Variants in CIMIP5 observed in about 807,000 individuals in gnomAD.
The protein encoded by CIMIP5 is ciliary microtubule inner protein 5, also known as uncharacterized protein C2orf50.
the CIMIP5 span, among the ~76,000 whole-genome samples, chr2:11,153,939 GCTCTT>G: frequency 2.1e-5 from 3 of 140,208 alleles, no homozygotes; most frequent in Non-Finnish European, 3.1e-5. Flanking sequence ...AAAAAAAAAA[GCTCTT>G]CTCTATTTTC....
At chr2:11,146,291 A>G in the CIMIP5 span, among the ~76,000 whole-genome samples, 2 of 152,218 alleles carry the variant, frequency 1.3e-5, no homozygotes, top group East Asian at 3.8e-4. Context: ...CCAAGGTCAC[A>G]CAGCTGGCAA....
At chr2:11,148,253 G>T in the CIMIP5 span, among the ~76,000 whole-genome samples, 1 of 151,904 alleles carries the variant, frequency 6.6e-6, no homozygotes, top group Non-Finnish European at 1.5e-5. Flanking sequence ...GAGTAGCTGG[G>T]ATTACAAGCA....
the CIMIP5 span, among the ~76,000 whole-genome samples, chr2:11,137,503 C>T: frequency 2.0e-5 from 3 of 152,038 alleles, no homozygotes; most frequent in Non-Finnish European, 4.4e-5. Context: ...AGACAGAAAA[C>T]ACAAATGACG....
the CIMIP5 span, among the ~76,000 whole-genome samples, chr2:11,146,364 A>C: frequency 6.6e-6 from 1 of 152,214 alleles, no homozygotes; most frequent in East Asian, 1.9e-4. Context: ...ATACTTAAGC[A>C]TTATGCTATA....
the CIMIP5 span, chr2:11,144,053 T>A: frequency 2.5e-6 from 4 of 1,602,324 alleles, no homozygotes; most frequent in Non-Finnish European, 3.4e-6. Flanking sequence ...CGCATGGACT[T>A]CTTCTTCACA....
At chr2:11,153,749 C>G in the CIMIP5 span, among the ~76,000 whole-genome samples, 2 of 152,088 alleles carry the variant, frequency 1.3e-5, no homozygotes, top group African/African-American at 4.8e-5. Context: ...GAGTTCGAAA[C>G]CCCGTCTGTA....
At chr2:11,133,336 TG>T in the CIMIP5 span, 2 of 1,570,022 alleles carry the variant, frequency 1.3e-6, no homozygotes, top group African/African-American at 1.8e-5. Flanking sequence ...ACTTGCACCA[TG>T]GGGAGCCACC....
chr2:11,154,246 T>C, the CIMIP5 span, among the ~76,000 whole-genome samples: 1 of 152,258 alleles, frequency 6.6e-6, no homozygotes, highest in Middle Eastern at 3.4e-3. Flanking sequence ...TCAATAACGA[T>C]CAGTATCGAT....
chr2:11,142,922 A>G, the CIMIP5 span, among the ~76,000 whole-genome samples: 31 of 151,518 alleles, frequency 2.0e-4, no homozygotes, highest in Non-Finnish European at 1.3e-4. Context: ...GGGTCTCACC[A>G]TGTTGCCCAG....
chr2:11,133,545 C>T, the CIMIP5 span: 18 of 1,606,648 alleles, frequency 1.1e-5, no homozygotes, highest in Middle Eastern at 5.6e-4. Context: ...GCAGGACCAG[C>T]TGTGGCGGGA....
chr2:11,142,317 G>A, the CIMIP5 span, among the ~76,000 whole-genome samples: 2 of 151,010 alleles, frequency 1.3e-5, no homozygotes, highest in African/African-American at 2.4e-5. Flanking sequence ...TGGAAGATGA[G>A]CAATATGGAA....
the CIMIP5 span, among the ~76,000 whole-genome samples, chr2:11,152,474 A>T: frequency 9.8e-5 from 15 of 152,290 alleles, no homozygotes; most frequent in Admixed American, 8.5e-4. Flanking sequence ...TTTCATTGTC[A>T]TAATTTCCTG....
chr2:11,146,354 A>C, the CIMIP5 span, among the ~76,000 whole-genome samples: 1 of 152,178 alleles, frequency 6.6e-6, no homozygotes, highest in East Asian at 1.9e-4. Flanking sequence ...CAAGGACTAT[A>C]TACTTAAGCA....
chr2:11,153,466 G>C, the CIMIP5 span, among the ~76,000 whole-genome samples: 3 of 152,222 alleles, frequency 2.0e-5, no homozygotes, highest in African/African-American at 7.2e-5. Flanking sequence ...AAAGGCTGGG[G>C]CAGAAGGGGA....
At chr2:11,133,560 C>T in the CIMIP5 span, 2 of 1,605,098 alleles carry the variant, frequency 1.2e-6, no homozygotes, top group African/African-American at 1.3e-5. Context: ...GCGGGAGCTC[C>T]TGGAGGCCGA....
the CIMIP5 span, among the ~76,000 whole-genome samples, chr2:11,136,718 G>C: frequency 6.6e-6 from 1 of 152,154 alleles, no homozygotes; most frequent in Non-Finnish European, 1.5e-5. Flanking sequence ...TATATTAAAA[G>C]TCATTTAATT....
the CIMIP5 span, chr2:11,133,307 A>AGC: frequency 7.8e-4 from 1,180 of 1,503,656 alleles, 11 homozygotes; most frequent in African/African-American, 0.023. Flanking sequence ...CTCTGACACA[A>AGC]GCGCACACAC....
the CIMIP5 span, among the ~76,000 whole-genome samples, chr2:11,147,080 C>T: frequency 1.6e-4 from 25 of 152,338 alleles, no homozygotes; most frequent in South Asian, 5.2e-3. Flanking sequence ...GGTTCTGCCA[C>T]TCCTGGAAGC....
chr2:11,144,194 C>A, the CIMIP5 span: 1 of 1,261,308 alleles, frequency 7.9e-7, no homozygotes, highest in African/African-American at 1.5e-5. Context: ...CCAGTCAGCT[C>A]CCCACACAAG....
Sources: gnomAD v4.1 joint callset for allele counts (sites outside exome capture counted in the v4.1 genomes callset) on GRCh38, gnomAD v4.1.1 for gene constraint, MANE v1.5 for transcripts, NCBI Gene and HGNC (gene_info 2026-07-23, HGNC 2026-07-21) for gene names.